The following CCNYL1 variants were observed in gnomAD, a reference collection of about 807,000 sequenced individuals.
CCNYL1 encodes the protein cyclin Y like 1, also known as cyclin-Y-like protein 1.
Under a neutral mutation model 44.2 loss-of-function variants are expected in CCNYL1, and 16 were observed. The observed-to-expected ratio is 0.36, with a 90% CI of 0.25 to 0.55. The LOEUF (loss-of-function observed/expected upper bound fraction) is 0.55. CCNYL1 is among the 20% of genes least tolerant of loss of function. CCNYL1 has a pLI of 0.85. For synonymous variants in CCNYL1, 159 were observed against 163.2 expected, an observed-to-expected ratio of 0.97 and a Z score of 0.20; for missense variants, 348 against 451.8, an observed-to-expected ratio of 0.77 and a Z score of 2.08.
intron 8 of CCNYL1, 55 bp downstream of exon 8, chr2:207,747,268 T>C: frequency 6.8e-7 from 1 of 1,464,350 alleles, no homozygotes. Context: ...ATCTTATTCC[T>C]ATAAAGTTAA....
At chr2:207,713,128 G>A (rs2091566161) in intron 1 of CCNYL1, among the ~76,000 whole-genome samples, 1 of 152,192 alleles carries the variant, frequency 6.6e-6, no homozygotes, top group Admixed American at 6.5e-5. Context: ...TTAACTCAAA[G>A]GAGTTTAGCC....
At position 207,740,899 on chromosome 2, in the gene CCNYL1, G is replaced by A. The variant is rs545683260; in HGVS notation, c.519+193G>A. 3.9e-5 allele frequency among the ~76,000 whole-genome samples: 6 copies of A among 152,272 alleles called. No individual in the cohort carries two copies. In the South Asian group the frequency reaches 1.2e-3, roughly 32 times the overall value. ...TTCCTCAGGTATATGATAGCCGCTCGTGGCTAATGACTATTGTCTTGGACA... is the reference window on the plus strand; with the variant it reads ...TTCCTCAGGTATATGATAGCCGCTCATGGCTAATGACTATTGTCTTGGACA... On this transcript the variant is annotated intron_variant, in intron 6 of 9. Coordinates refer to ENST00000295414, the MANE Select transcript of CCNYL1 (RefSeq NM_001330218.2).
intron 3 of CCNYL1, 138 bp from the exon 4 acceptor site, chr2:207,733,809 T>G (rs1238681118): frequency 3.4e-6 from 2 of 583,896 alleles, no homozygotes; most frequent in African/African-American, 3.8e-5. Context: ...GAGCTGCACA[T>G]GATACTACAC....
At chr2:207,753,542 C>T in intron 9 of CCNYL1, 46 bp from the exon 10 acceptor site, 1 of 1,306,756 alleles carries the variant, frequency 7.7e-7, no homozygotes. Flanking sequence ...AAGGCGGGAA[C>T]CCTTTTTAAA....
rs1221784602 is a variant in CCNYL1, at chr2:207,755,291, G to A, written c.*1593G>A. 2 of 152,106 alleles carry A rather than the reference G, an allele frequency of 1.3e-5. No individual in the cohort carries two copies. Among genetic ancestry groups the A allele is most frequent in the Non-Finnish European group, 2.9e-5 (2 of 68,040 alleles). The allele number at this position is 152,106 out of a possible 1,614,324, so 9.4% of individuals were successfully genotyped here. ...GCCACTCTGGAGGCTAAGGTGGGAG[G>A]ATCAGTAGAGCCCAGGAGGTCAAGG... On this transcript the variant is annotated 3_prime_UTR_variant, in exon 10 of 10. Transcript: ENST00000295414.
At chr2:207,743,410 A>G (rs552132169) in intron 7 of CCNYL1, among the ~76,000 whole-genome samples, 34 of 152,318 alleles carry the variant, frequency 2.2e-4, no homozygotes, top group Admixed American at 1.4e-3. Context: ...GAGGTAAGGA[A>G]TGAAGAGTTA....
At chr2:207,719,295 G>A (rs2091621512) in intron 1 of CCNYL1, among the ~76,000 whole-genome samples, 1 of 133,900 alleles carries the variant, frequency 7.5e-6, no homozygotes, top group South Asian at 2.5e-4. Context: ...GTGGTATATA[G>A]CAATTGCTTT....
At chr2:207,752,857 G>A (rs1430826349) in intron 9 of CCNYL1, among the ~76,000 whole-genome samples, 4 of 151,850 alleles carry the variant, frequency 2.6e-5, no homozygotes, top group African/African-American at 9.7e-5. Flanking sequence ...GGCCAACATG[G>A]TGAAACCCTG....
Position 207,711,814 on chromosome 2 carries a change from AT to A in CCNYL1, c.-81del. 1.1e-6 allele frequency: 1 copy of A among 943,808 alleles called. No homozygotes were observed. The highest frequency in any genetic ancestry group is 1.4e-6 in the Non-Finnish European group (1 of 697,910). The allele number at this position is 943,808 out of a possible 1,614,324, so 58.5% of individuals were successfully genotyped here. On this transcript the variant is annotated 5_prime_UTR_variant, in exon 1 of 10. The change creates a new upstream start codon in the 5' untranslated region. Coordinates refer to ENST00000295414, the MANE Select transcript of CCNYL1 (RefSeq NM_001330218.2). Reference sequence around the variant, plus strand: ...CGGGGCTGCCGGTGCCGGCCGCGCCATTGTTGGGGGAGGGGGCGGCTGTTGA... The same window carrying A: ...CGGGGCTGCCGGTGCCGGCCGCGCCATGTTGGGGGAGGGGGCGGCTGTTGA...
chr2:207,742,373 T>C, intron 7 of CCNYL1, 31 bp downstream of exon 7: 2 of 1,598,266 alleles, frequency 1.3e-6, no homozygotes, highest in Non-Finnish European at 8.5e-7. Context: ...AAAGTGTCTT[T>C]AGAAATTAGT....
intron 4 of CCNYL1, among the ~76,000 whole-genome samples, chr2:207,734,706 T>C: frequency 6.6e-6 from 1 of 152,242 alleles, no homozygotes; most frequent in East Asian, 1.9e-4. Flanking sequence ...TCCTTATCCC[T>C]AATTTTACTT....
intron 5 of CCNYL1, among the ~76,000 whole-genome samples, chr2:207,740,331 G>A (rs1480555922): frequency 6.6e-6 from 1 of 152,094 alleles, no homozygotes; most frequent in Non-Finnish European, 1.5e-5. Flanking sequence ...TGTGTAAAAC[G>A]TTCTTGAGTT....
chr2:207,713,833 T>C (rs2091572238), intron 1 of CCNYL1, among the ~76,000 whole-genome samples: 1 of 152,220 alleles, frequency 6.6e-6, no homozygotes, highest in Admixed American at 6.5e-5. Flanking sequence ...GTTAATTGAT[T>C]GTACCTTTAT....
chr2:207,725,879 T>C (rs2091676764), intron 2 of CCNYL1, among the ~76,000 whole-genome samples: 1 of 152,228 alleles, frequency 6.6e-6, no homozygotes, highest in Non-Finnish European at 1.5e-5. Context: ...ACCAGGTTTT[T>C]CATTTGATTT....
chr2:207,720,319 A>T (rs1202462158), intron 1 of CCNYL1, among the ~76,000 whole-genome samples: 1 of 151,494 alleles, frequency 6.6e-6, no homozygotes, highest in Non-Finnish European at 1.5e-5. Context: ...CCTTTTTTTC[A>T]GTTAATTAAG....
chr2:207,744,913 C>G (rs1189884956), intron 7 of CCNYL1, among the ~76,000 whole-genome samples: 1 of 152,164 alleles, frequency 6.6e-6, no homozygotes, highest in Non-Finnish European at 1.5e-5. Context: ...TGTGCACAGT[C>G]TGGTGTGGGA....
intron 8 of CCNYL1, among the ~76,000 whole-genome samples, chr2:207,748,671 C>G (rs1056469890): frequency 6.6e-6 from 1 of 152,128 alleles, no homozygotes; most frequent in Non-Finnish European, 1.5e-5. Context: ...TTGCCTTTGC[C>G]CATTACTCCA....
At chr2:207,718,161 C>T (rs141748768) in intron 1 of CCNYL1, among the ~76,000 whole-genome samples, 1,760 of 152,222 alleles carry the variant, frequency 0.012, 48 homozygotes, top group African/African-American at 0.04. Context: ...ACCCTGGCCT[C>T]CCAAGGTGCT....
Position 207,753,617 on chromosome 2 carries a change from C to G in CCNYL1, c.999C>G (p.Asp333Glu), listed in dbSNP as rs140026813. 1 of 1,613,328 alleles carries G rather than the reference C, an allele frequency of 6.2e-7. No individual in the cohort carries two copies. The highest frequency in any genetic ancestry group is 2.2e-5 in the East Asian group (1 of 44,874). ...TTTCTAGATTGTGTGAAGACAAAGA[C>G]TTGTGTAGAGCCGCTATGAGAAGGT... is the stretch of plus-strand genomic sequence containing the variant. ...EAISRLCEDKDLCRAAMRRSF... is the reference protein window; with the variant it reads ...EAISRLCEDKELCRAAMRRSF... Residue 333 changes from aspartate to glutamate, a missense_variant, in exon 10 of 10, where the codon GAC (aspartate) becomes GAG (glutamate). Physicochemically the swap from Asp to Glu is conservative, Grantham distance 45. Transcript: ENST00000295414.
Sources: gnomAD v4.1 joint callset for allele counts (sites outside exome capture counted in the v4.1 genomes callset) on GRCh38, gnomAD v4.1.1 for gene constraint, MANE v1.5 for transcripts, NCBI Gene and HGNC (gene_info 2026-07-23, HGNC 2026-07-21) for gene names.